Variants in DNAJA2 observed in about 807,000 individuals in gnomAD.
The protein encoded by DNAJA2 is DnaJ heat shock protein family (Hsp40) member A2.
In DNAJA2, 6 loss-of-function variants were observed where a neutral mutation model predicts 49.3. The ratio of observed to expected loss-of-function variants is 0.12; its 90% CI spans 0.07 to 0.24. DNAJA2 has a LOEUF of 0.24. Among genes scored for constraint, DNAJA2 ranks in the 10% least tolerant of loss-of-function variants. The pLI is 1.00. For missense variants in DNAJA2, 347 were observed against 516.8 expected (o/e 0.67, Z 3.19); for synonymous variants, 160 against 172.7 (o/e 0.93, Z 0.58).
At chr16:46,959,530 A>G in intron 6 of DNAJA2, 111 bp from the exon 7 acceptor site, 1 of 1,032,174 alleles carries the variant, frequency 9.7e-7, no homozygotes, top group South Asian at 1.6e-5. Flanking sequence ...CACTCACTGC[A>G]AATCCAAAGT....
rs61227358 is a variant in DNAJA2 at position 46,972,150 on chromosome 16, G to T, written c.79-195C>A. 3 of 552,522 alleles carry T rather than the reference G, an allele frequency of 5.4e-6. No individual in the cohort carries two copies. The Admixed American group carries it at 1.0e-4, about 19-fold the overall frequency. 34.2% of individuals were successfully genotyped at this position (552,522 alleles called of 1,614,324 possible). ...ATGTAATATAACCAAGTAGACAGCA[G>T]CTATACTTGAAAACAGGTTACAGTG... On this transcript the variant is annotated intron_variant, in intron 1 of 8. Transcript: ENST00000317089.
intron 2 of DNAJA2, 43 bp downstream of exon 2, chr16:46,971,853 T>A: frequency 6.5e-7 from 1 of 1,546,516 alleles, no homozygotes; most frequent in Non-Finnish European, 8.9e-7. Context: ...CAATTTAAGT[T>A]AAAGCTAAAA....
chr16:46,958,006 C>A (rs1961840267), intron 8 of DNAJA2, among the ~76,000 whole-genome samples: 1 of 152,128 alleles, frequency 6.6e-6, no homozygotes, highest in African/African-American at 2.4e-5. Flanking sequence ...ACCAATCACA[C>A]AAATATACTT....
At chr16:46,959,223 A>G (rs1041129682) in intron 7 of DNAJA2, 52 bp downstream of exon 7, 1 of 1,582,492 alleles carries the variant, frequency 6.3e-7, no homozygotes, top group Admixed American at 1.9e-5. Flanking sequence ...TACAAATTGT[A>G]ATTTTTTTCA....
chr16:46,963,459 A>G (rs1961927139), intron 6 of DNAJA2, among the ~76,000 whole-genome samples: 2 of 151,930 alleles, frequency 1.3e-5, no homozygotes, highest in South Asian at 4.2e-4. Context: ...GCTTGAGCTC[A>G]GAAGTTCAAA....
At chr16:46,970,380 C>T (rs1028242294) in intron 3 of DNAJA2, among the ~76,000 whole-genome samples, 1 of 152,224 alleles carries the variant, frequency 6.6e-6, no homozygotes, top group African/African-American at 2.4e-5. Flanking sequence ...CTAACATGTA[C>T]ACAAAGTAGG....
intron 5 of DNAJA2, among the ~76,000 whole-genome samples, chr16:46,967,045 T>C (rs1961982097): frequency 6.6e-6 from 1 of 152,228 alleles, no homozygotes; most frequent in Non-Finnish European, 1.5e-5. Context: ...TGTTTCTCTA[T>C]GTTCACTGGG....
At chr16:46,971,676 AGGGAC>A in intron 2 of DNAJA2, 104 bp from the exon 3 acceptor site, 1 of 984,282 alleles carries the variant, frequency 1.0e-6, no homozygotes, top group Non-Finnish European at 1.5e-6. Flanking sequence ...AAAAAAAAAA[AGGGAC>A]AAGTTACCTT....
At chr16:46,966,899 G>A (rs2143654916) in intron 5 of DNAJA2, among the ~76,000 whole-genome samples, 2 of 152,216 alleles carry the variant, frequency 1.3e-5, no homozygotes, top group Middle Eastern at 6.8e-3. Context: ...TCCTCCTATG[G>A]TGGTCATTCC....
intron 6 of DNAJA2, among the ~76,000 whole-genome samples, chr16:46,962,482 A>C (rs1350708423): frequency 6.6e-6 from 1 of 152,152 alleles, no homozygotes; most frequent in African/African-American, 2.4e-5. Flanking sequence ...AAACGACTCC[A>C]AGGATTCTAT....
chr16:46,961,333 T>TCG (rs1014209709), intron 6 of DNAJA2, among the ~76,000 whole-genome samples: 2 of 151,942 alleles, frequency 1.3e-5, no homozygotes, highest in African/African-American at 4.8e-5. Context: ...TGAACAGAGA[T>TCG]CGCGCCACTG....
chr16:46,968,252 T>C, intron 3 of DNAJA2, 88 bp from the exon 4 acceptor site: 1 of 823,996 alleles, frequency 1.2e-6, no homozygotes, highest in East Asian at 2.6e-5. Flanking sequence ...GCAAATTCGT[T>C]ATCAACTTTT....
intron 6 of DNAJA2, among the ~76,000 whole-genome samples, chr16:46,960,066 G>A (rs752858520): frequency 1.6e-4 from 24 of 152,166 alleles, no homozygotes; most frequent in Admixed American, 1.3e-4. Flanking sequence ...AACTTCACAC[G>A]CCCAACCTGC....
At position 46,958,978 on chromosome 16, in the gene DNAJA2, G is replaced by A. The variant is rs990469854; in HGVS notation, c.1047+25C>T. 15 of 1,562,722 alleles carry A rather than the reference G, an allele frequency of 9.6e-6. No homozygotes were observed. The East Asian group carries it at 3.1e-4, about 33-fold the overall frequency. ...CGAACTCCAAACTTGGAAGTCAACT[G>A]TTGTTTAATTTAAAGAACACTTACA... On this transcript the variant is annotated intron_variant, in intron 8 of 8. Transcript: ENST00000317089.
chr16:46,973,464 C>T, intron 1 of DNAJA2, 31 bp downstream of exon 1: 7 of 1,579,446 alleles, frequency 4.4e-6, no homozygotes, highest in Non-Finnish European at 6.0e-6. Context: ...GCCCCGCGCC[C>T]CTCACACCCG....
At chr16:46,968,063 T>G in intron 4 of DNAJA2, 21 bp downstream of exon 4, 1 of 1,568,722 alleles carries the variant, frequency 6.4e-7, no homozygotes, top group East Asian at 2.3e-5. Context: ...ATGTACCCAA[T>G]AAACCAGAAG....
rs754530740 is a variant in DNAJA2, at chr16:46,973,623, G to A, written c.-51C>T. On this transcript the variant is annotated 5_prime_UTR_variant, in exon 1 of 9. Transcript: ENST00000317089. ...GAGAAGGTGGCGAAGCAGACAGAGC[G>A]GAGTCGGGCCCACAAGCGGCGTCGG... 8 of 1,565,740 alleles carry A rather than the reference G, an allele frequency of 5.1e-6. No homozygotes were observed. The highest frequency in any genetic ancestry group is 4.2e-5 in the African/African-American group (3 of 72,050).
chr16:46,970,882 T>TA (rs1224419058), intron 3 of DNAJA2, among the ~76,000 whole-genome samples: 3 of 150,086 alleles, frequency 2.0e-5, no homozygotes. Flanking sequence ...CTTCTAAAAA[T>TA]ACAAAATTAG....
Position 46,973,632 on chromosome 16 carries a change from C to G in DNAJA2, c.-60G>C. ...GCGAAGCAGACAGAGCGGAGTCGGGCCCACAAGCGGCGTCGGCGGCGGCAC... is the reference window on the plus strand; with the variant it reads ...GCGAAGCAGACAGAGCGGAGTCGGGGCCACAAGCGGCGTCGGCGGCGGCAC... On this transcript the variant is annotated 5_prime_UTR_variant, in exon 1 of 9. Coordinates refer to ENST00000317089, the MANE Select transcript of DNAJA2 (RefSeq NM_005880.4). The G allele has an allele frequency of 3.2e-6, 5 of 1,543,600 alleles. No individual in the cohort carries two copies. The highest frequency in any genetic ancestry group is 4.4e-6 in the Non-Finnish European group (5 of 1,145,286).
Sources: gnomAD v4.1 joint callset for allele counts (sites outside exome capture counted in the v4.1 genomes callset) on GRCh38, gnomAD v4.1.1 for gene constraint, MANE v1.5 for transcripts, NCBI Gene and HGNC (gene_info 2026-07-23, HGNC 2026-07-21) for gene names.